The following ASTN2 variants were observed in gnomAD, a reference collection of about 807,000 sequenced individuals.
ASTN2 encodes the protein astrotactin 2.
Under a neutral mutation model 139.8 loss-of-function variants are expected in ASTN2, and 54 were observed. The ratio of observed to expected loss-of-function variants is 0.39; its 90% CI spans 0.31 to 0.48. The LOEUF (loss-of-function observed/expected upper bound fraction) is 0.48. Among genes scored for constraint, ASTN2 ranks in the 20% least tolerant of loss-of-function variants. The pLI is 0.95. For missense variants in ASTN2, 1,565 were observed against 1,725.1 expected (o/e 0.91, Z 1.64); for synonymous variants, 756 against 719.5 (o/e 1.05, Z -0.81).
At chr9:117,073,637 C>A (rs1828194772) in intron 5 of ASTN2, among the ~76,000 whole-genome samples, 1 of 152,182 alleles carries the variant, frequency 6.6e-6, no homozygotes. Context: ...TATACTGTTA[C>A]ACTCAATGCA....
At chr9:116,593,445 G>A (rs1854450489) in intron 19 of ASTN2, among the ~76,000 whole-genome samples, 1 of 152,206 alleles carries the variant, frequency 6.6e-6, no homozygotes, top group South Asian at 2.1e-4. Flanking sequence ...GAGAATGTCT[G>A]AAGGGAGGTA....
intron 13 of ASTN2, among the ~76,000 whole-genome samples, chr9:116,784,567 C>T (rs1830311467): frequency 6.6e-6 from 1 of 152,112 alleles, no homozygotes; most frequent in African/African-American, 2.4e-5. Flanking sequence ...CCTATTGTCC[C>T]CACCTTTGAG....
At chr9:116,567,706 T>A (rs1032237548) in intron 19 of ASTN2, among the ~76,000 whole-genome samples, 4 of 152,102 alleles carry the variant, frequency 2.6e-5, no homozygotes, top group East Asian at 1.9e-4. Context: ...TGGGAACTAT[T>A]TCACGAAGAA....
chr9:116,749,047 T>G (rs982083522), intron 13 of ASTN2, among the ~76,000 whole-genome samples: 3 of 152,094 alleles, frequency 2.0e-5, no homozygotes, highest in Non-Finnish European at 4.4e-5. Context: ...GTCCCCTGTG[T>G]AGATCTAGTT....
chr9:117,291,226 C>A (rs1834581611), intron 2 of ASTN2, 100 bp downstream of exon 2: 1 of 1,453,794 alleles, frequency 6.9e-7, no homozygotes, highest in African/African-American at 1.4e-5. Flanking sequence ...GAGTTTGGTT[C>A]TTTCCTTCCA....
intron 4 of ASTN2, among the ~76,000 whole-genome samples, chr9:117,107,693 C>T (rs1829141415): frequency 6.6e-6 from 1 of 152,216 alleles, no homozygotes; most frequent in African/African-American, 2.4e-5. Context: ...TATAATAATG[C>T]AGCCCAAGCC....
At chr9:117,204,665 G>C (rs969638090) in intron 3 of ASTN2, among the ~76,000 whole-genome samples, 1 of 152,048 alleles carries the variant, frequency 6.6e-6, no homozygotes, top group African/African-American at 2.4e-5. Context: ...AACTGATTAG[G>C]GGCTAGGAAA....
intron 5 of ASTN2, among the ~76,000 whole-genome samples, chr9:117,060,766 G>T (rs916037933): frequency 1.6e-4 from 25 of 151,970 alleles, no homozygotes; most frequent in Non-Finnish European, 2.8e-4. Flanking sequence ...GTGATGGCAG[G>T]CACCTGTAGT....
chr9:117,139,941 G>A (rs1424506860), intron 4 of ASTN2, among the ~76,000 whole-genome samples: 1 of 152,138 alleles, frequency 6.6e-6, no homozygotes, highest in African/African-American at 2.4e-5. Context: ...GTACATAGTC[G>A]TTAAGTTAAA....
chr9:116,650,661 T>C (rs1023654575), intron 17 of ASTN2, among the ~76,000 whole-genome samples: 1 of 152,216 alleles, frequency 6.6e-6, no homozygotes, highest in African/African-American at 2.4e-5. Flanking sequence ...TAGATACTGC[T>C]AGGTTTTCAC....
chr9:116,969,712 A>G (rs775934173), intron 10 of ASTN2, among the ~76,000 whole-genome samples: 2 of 152,160 alleles, frequency 1.3e-5, no homozygotes, highest in Non-Finnish European at 2.9e-5. Flanking sequence ...ACTTAAGACT[A>G]AGTAGGTGAT....
At chr9:116,929,989 A>T (rs1232325515) in intron 10 of ASTN2, among the ~76,000 whole-genome samples, 1 of 152,160 alleles carries the variant, frequency 6.6e-6, no homozygotes, top group African/African-American at 2.4e-5. Context: ...ATACTAATGG[A>T]GGCTGATGGG....
chr9:117,112,737 T>C (rs1013644215), intron 4 of ASTN2, among the ~76,000 whole-genome samples: 5 of 151,714 alleles, frequency 3.3e-5, no homozygotes, highest in Admixed American at 1.3e-4. Flanking sequence ...GCATAAATCA[T>C]AAAAGAAAAA....
intron 3 of ASTN2, chr9:117,180,772 G>A: frequency 6.4e-7 from 1 of 1,561,402 alleles, no homozygotes; most frequent in Non-Finnish European, 8.7e-7. Context: ...ACAGCCATCA[G>A]GGATGAGCTG....
chr9:117,298,560 G>T (rs1834790368), intron 1 of ASTN2, among the ~76,000 whole-genome samples: 1 of 151,594 alleles, frequency 6.6e-6, no homozygotes, highest in South Asian at 2.1e-4. Context: ...TGTTAGGTTG[G>T]TCTTGATACT....
chr9:116,941,169 C>A (rs1214857009), intron 10 of ASTN2, among the ~76,000 whole-genome samples: 2 of 152,098 alleles, frequency 1.3e-5, no homozygotes. Flanking sequence ...CAGAAGACAA[C>A]TGAGGATACC....
chr9:117,383,225 C>A (rs1008468873), intron 1 of ASTN2, among the ~76,000 whole-genome samples: 1 of 152,122 alleles, frequency 6.6e-6, no homozygotes, highest in African/African-American at 2.4e-5. Flanking sequence ...ACAGGACATA[C>A]AAAGAGGCAA....
intron 16 of ASTN2, among the ~76,000 whole-genome samples, chr9:116,664,335 C>A (rs1858737275): frequency 6.6e-6 from 1 of 151,166 alleles, no homozygotes. Flanking sequence ...CCCTCCTTGG[C>A]CTCCCAAAGT....
At chr9:117,291,720 T>C (rs866532892) in intron 1 of ASTN2, among the ~76,000 whole-genome samples, 10 of 152,118 alleles carry the variant, frequency 6.6e-5, no homozygotes, top group South Asian at 6.2e-4. Flanking sequence ...AGTAACAGAG[T>C]AGTGGAAGCA....
Sources: gnomAD v4.1 joint callset for allele counts (sites outside exome capture counted in the v4.1 genomes callset) on GRCh38, gnomAD v4.1.1 for gene constraint, MANE v1.5 for transcripts, NCBI Gene and HGNC (gene_info 2026-07-23, HGNC 2026-07-21) for gene names.